The following BNC2 variants were observed in gnomAD, a reference collection of about 807,000 sequenced individuals.
The protein encoded by BNC2 is basonuclin zinc finger protein 2, also known as zinc finger protein basonuclin-2.
In BNC2, 20 loss-of-function variants were observed where a neutral mutation model predicts 76.3. The observed-to-expected ratio is 0.26, with a 90% confidence interval of 0.18 to 0.38. The LOEUF is 0.38. Ranked by LOEUF, BNC2 falls within the 10% of genes least tolerant of loss-of-function variation. The probability of loss-of-function intolerance (pLI) is 1.00; values close to 1 mark genes in which losing one functional copy is unlikely to be tolerated. For missense variants in BNC2, 1,382 were observed against 1,399.8 expected (o/e 0.99, Z 0.20); for synonymous variants, 582 against 514.8 (o/e 1.13, Z -1.77).
intron 4 of BNC2, among the ~76,000 whole-genome samples, chr9:16,563,466 A>T (rs1423872604): frequency 2.0e-5 from 3 of 152,176 alleles, no homozygotes; most frequent in Non-Finnish European, 4.4e-5. Context: ...CAAAAAAAAA[A>T]ATTATAAATC....
rs185741081 is a variant in BNC2 at position 16,690,804 on chromosome 9, T to C, written c.330+36993A>G. 5.3e-5 allele frequency among the ~76,000 whole-genome samples: 8 copies of C among 152,308 alleles called. 1 individual carries two copies. In the East Asian group the frequency reaches 1.5e-3, roughly 29 times the overall value. The stretch of plus-strand genomic sequence containing the variant: ...TGGAAAAGAGTCAATCAGTATGTGA[T>C]TCTGTTATGCAACAGGTTGAAAGAC... On this transcript the variant is annotated intron_variant, in intron 3 of 6. Transcript: ENST00000380672.
chr9:16,583,501 GAAAGTA>G (rs1261447046), intron 3 of BNC2, among the ~76,000 whole-genome samples: 1 of 152,094 alleles, frequency 6.6e-6, no homozygotes, highest in Non-Finnish European at 1.5e-5. Flanking sequence ...AAATGTTTGT[GAAAGTA>G]AAATATGGCA....
intron 1 of BNC2, among the ~76,000 whole-genome samples, chr9:16,759,664 CAACTG>C (rs1055599021): frequency 1.1e-4 from 17 of 152,058 alleles, no homozygotes; most frequent in African/African-American, 3.4e-4. Flanking sequence ...TCTACAATCA[CAACTG>C]AAGGTAGAAG....
chr9:16,707,469 A>G (rs919144152), intron 3 of BNC2, among the ~76,000 whole-genome samples: 2 of 152,250 alleles, frequency 1.3e-5, no homozygotes, highest in Non-Finnish European at 2.9e-5. Flanking sequence ...ACCAATATTC[A>G]AAGGATGAAC....
chr9:16,446,659 A>G (rs1821237558), intron 5 of BNC2, among the ~76,000 whole-genome samples: 1 of 152,156 alleles, frequency 6.6e-6, no homozygotes, highest in Admixed American at 6.6e-5. Context: ...CATTTGATTT[A>G]AAAAATTTAC....
At chr9:16,578,818 G>C (rs1250818736) in intron 4 of BNC2, among the ~76,000 whole-genome samples, 1 of 152,120 alleles carries the variant, frequency 6.6e-6, no homozygotes, top group Non-Finnish European at 1.5e-5. Context: ...AACGCACTGA[G>C]AAGATAAAGC....
intron 5 of BNC2, among the ~76,000 whole-genome samples, chr9:16,491,467 C>T (rs1822278942): frequency 6.6e-6 from 1 of 152,164 alleles, no homozygotes; most frequent in Admixed American, 6.5e-5. Flanking sequence ...TTTTAAAAAA[C>T]ACACATAAAA....
At chr9:16,709,065 G>A (rs1221733463) in intron 3 of BNC2, among the ~76,000 whole-genome samples, 2 of 152,154 alleles carry the variant, frequency 1.3e-5, no homozygotes, top group Non-Finnish European at 2.9e-5. Context: ...CGGCTTCACC[G>A]CTGGGAAATG....
chr9:16,662,320 T>C (rs1442859746), intron 3 of BNC2, among the ~76,000 whole-genome samples: 3 of 152,240 alleles, frequency 2.0e-5, no homozygotes, highest in African/African-American at 7.2e-5. Flanking sequence ...CATTCTACTC[T>C]ACACTAATTA....
intron 5 of BNC2, among the ~76,000 whole-genome samples, chr9:16,442,802 G>C (rs1821154488): frequency 6.6e-6 from 1 of 152,100 alleles, no homozygotes. Flanking sequence ...TGCTCCAGTA[G>C]TCAAATTGTT....
At chr9:16,815,173 A>G (rs189836529) in intron 1 of BNC2, among the ~76,000 whole-genome samples, 3 of 152,354 alleles carry the variant, frequency 2.0e-5, no homozygotes, top group Admixed American at 2.0e-4. Context: ...AGCAAAGTCA[A>G]GGAGATAGAG....
At chr9:16,430,021 G>C (rs1401241520) in intron 6 of BNC2, 6 of 504,270 alleles carry the variant, frequency 1.2e-5, no homozygotes, top group Admixed American at 8.1e-5. Context: ...CCCAGGGACA[G>C]GAATGACACT....
chr9:16,827,342 C>G (rs1226542202), intron 1 of BNC2, among the ~76,000 whole-genome samples: 1 of 152,208 alleles, frequency 6.6e-6, no homozygotes, highest in East Asian at 1.9e-4. Flanking sequence ...CAGTGTTCTT[C>G]TAGTCTTCCT....
chr9:16,712,019 G>GA (rs1823866214), intron 3 of BNC2, among the ~76,000 whole-genome samples: 1 of 152,294 alleles, frequency 6.6e-6, no homozygotes, highest in African/African-American at 2.4e-5. Context: ...AATAATTAGT[G>GA]AAAGTCACAA....
At chr9:16,831,434 T>C (rs1818575575) in intron 1 of BNC2, among the ~76,000 whole-genome samples, 1 of 152,228 alleles carries the variant, frequency 6.6e-6, no homozygotes, top group Non-Finnish European at 1.5e-5. Flanking sequence ...TTGTGTGACA[T>C]TTACTTATTT....
At chr9:16,549,501 C>T (rs1818593889) in intron 5 of BNC2, among the ~76,000 whole-genome samples, 1 of 152,140 alleles carries the variant, frequency 6.6e-6, no homozygotes, top group Admixed American at 6.5e-5. Flanking sequence ...ACTAATAGAG[C>T]ATTATGGGGT....
In BNC2 at chr9:16,637,334, T is replaced by C. The variant is rs187731301; in HGVS notation, c.331-54249A>G. 3.3e-5 allele frequency among the ~76,000 whole-genome samples: 5 copies of C among 152,360 alleles called. No homozygotes were observed. In the East Asian group the frequency reaches 9.6e-4, roughly 29 times the overall value. On this transcript the variant is annotated intron_variant, in intron 3 of 6. Coordinates refer to ENST00000380672, the MANE Select transcript of BNC2 (RefSeq NM_017637.6). The stretch of plus-strand genomic sequence containing the variant: ...CAGAACTAAAGTGAAGTTGGAATTA[T>C]GTGAGAGATGCAGTGAGAGATTCAG...
intron 3 of BNC2, among the ~76,000 whole-genome samples, chr9:16,638,957 C>A (rs946159261): frequency 1.3e-5 from 2 of 151,954 alleles, no homozygotes; most frequent in African/African-American, 4.8e-5. Context: ...TAATGTCTAG[C>A]ATAGCAATGT....
At chr9:16,449,419 CTT>C (rs1821293808) in intron 5 of BNC2, among the ~76,000 whole-genome samples, 1 of 152,114 alleles carries the variant, frequency 6.6e-6, no homozygotes, top group African/African-American at 2.4e-5. Context: ...ATCCTGGAGC[CTT>C]TTAAACAATA....
Sources: allele counts gnomAD v4.1 joint callset (sites outside exome capture counted in the v4.1 genomes callset), GRCh38; gene constraint gnomAD v4.1.1; transcripts MANE v1.5; gene names NCBI Gene and HGNC (gene_info 2026-07-23, HGNC 2026-07-21).